The following DLGAP1 variants were observed in gnomAD, a reference collection of about 807,000 sequenced individuals.
The protein encoded by DLGAP1 is DLG associated protein 1.
DLGAP1 carries 11 observed loss-of-function variants against 90.8 expected under a neutral mutation model. The ratio of observed to expected loss-of-function variants is 0.12; its 90% confidence interval spans 0.08 to 0.20. DLGAP1 has a LOEUF of 0.20. Among genes scored for constraint, DLGAP1 ranks in the 10% least tolerant of loss-of-function variants. DLGAP1 has a pLI of 1.00. For synonymous variants in DLGAP1, 558 were observed against 540.7 expected, an observed-to-expected ratio of 1.03 and a Z score of -0.44; for missense variants, 1,050 against 1,333.8, an observed-to-expected ratio of 0.79 and a Z score of 3.31.
At chr18:4,072,494 G>A (rs1446005470) in intron 2 of DLGAP1, among the ~76,000 whole-genome samples, 2 of 148,388 alleles carry the variant, frequency 1.3e-5, no homozygotes, top group South Asian at 2.1e-4. Flanking sequence ...TTTTTGAGAC[G>A]GAGTCATCTC....
intron 2 of DLGAP1, among the ~76,000 whole-genome samples, chr18:4,059,836 T>G (rs1437588689): frequency 3.9e-5 from 6 of 152,142 alleles, no homozygotes; most frequent in Non-Finnish European, 1.5e-5. Context: ...TAACTGAGAT[T>G]AGAACAAGGA....
At chr18:3,772,433 C>G (rs1240175902) in intron 5 of DLGAP1, among the ~76,000 whole-genome samples, 2 of 60,780 alleles carry the variant, frequency 3.3e-5, no homozygotes, top group Non-Finnish European at 3.3e-5. Context: ...CTTCCTTCCT[C>G]CCTCCCTCCC....
chr18:3,831,864 G>C (rs2068051743), intron 4 of DLGAP1, among the ~76,000 whole-genome samples: 1 of 152,200 alleles, frequency 6.6e-6, no homozygotes. Context: ...TGGCTACTGT[G>C]TATAGGAGGG....
intron 1 of DLGAP1, among the ~76,000 whole-genome samples, chr18:4,414,249 T>G (rs1274600560): frequency 6.6e-6 from 1 of 152,194 alleles, no homozygotes; most frequent in Non-Finnish European, 1.5e-5. Flanking sequence ...TTTAAACTAT[T>G]TATATGAAAT....
At chr18:3,765,352 G>C (rs1028580191) in intron 5 of DLGAP1, among the ~76,000 whole-genome samples, 11 of 150,348 alleles carry the variant, frequency 7.3e-5, no homozygotes, top group African/African-American at 1.5e-4. Flanking sequence ...GGATGGTCTC[G>C]ATCTCCTGAC....
At chr18:4,150,302 C>A (rs55951857) in intron 2 of DLGAP1, among the ~76,000 whole-genome samples, 1 of 152,072 alleles carries the variant, frequency 6.6e-6, no homozygotes, top group Admixed American at 6.6e-5. Flanking sequence ...GTGGTAAGAC[C>A]CTTCTTTTTT....
intron 1 of DLGAP1, among the ~76,000 whole-genome samples, chr18:4,240,486 A>C (rs560069193): frequency 5.9e-4 from 90 of 152,306 alleles, no homozygotes; most frequent in Non-Finnish European, 9.9e-4. Flanking sequence ...CATCAATATC[A>C]GACTAATTAT....
chr18:3,881,496 C>T (rs1428502607), intron 3 of DLGAP1, among the ~76,000 whole-genome samples: 1 of 152,192 alleles, frequency 6.6e-6, no homozygotes, highest in East Asian at 1.9e-4. Context: ...CAGGATCTCT[C>T]TTCCGGCTTA....
chr18:4,360,252 AT>A (rs1239480213), intron 1 of DLGAP1, among the ~76,000 whole-genome samples: 1 of 152,242 alleles, frequency 6.6e-6, no homozygotes, highest in African/African-American at 2.4e-5. Context: ...GGAATGGAAT[AT>A]GTGTACTTGG....
At chr18:3,700,613 T>A (rs902704980) in intron 7 of DLGAP1, among the ~76,000 whole-genome samples, 7 of 152,104 alleles carry the variant, frequency 4.6e-5, no homozygotes, top group Non-Finnish European at 1.0e-4. Context: ...TTTTTTAAAA[T>A]TTTAATTGTT....
intron 1 of DLGAP1, among the ~76,000 whole-genome samples, chr18:4,423,345 T>C (rs2083083040): frequency 6.6e-6 from 1 of 152,180 alleles, no homozygotes; most frequent in African/African-American, 2.4e-5. Flanking sequence ...AGGTGAGAAA[T>C]GGCACACAAT....
At chr18:4,379,298 G>A (rs1487685056) in intron 1 of DLGAP1, among the ~76,000 whole-genome samples, 1 of 152,040 alleles carries the variant, frequency 6.6e-6, no homozygotes, top group African/African-American at 2.4e-5. Context: ...TGTTCCCCAG[G>A]CTTTTTAGCT....
At chr18:4,069,101 C>G (rs958598667) in intron 2 of DLGAP1, among the ~76,000 whole-genome samples, 4 of 152,050 alleles carry the variant, frequency 2.6e-5, no homozygotes, top group African/African-American at 9.7e-5. Flanking sequence ...TAGATATTAC[C>G]TGGCATGCAG....
intron 6 of DLGAP1, among the ~76,000 whole-genome samples, chr18:3,739,211 A>G (rs1365114184): frequency 6.7e-6 from 1 of 149,324 alleles, no homozygotes; most frequent in Non-Finnish European, 1.5e-5. Flanking sequence ...TGTGGAAGTC[A>G]GTGTGGCGAT....
At chr18:3,845,072 G>A (rs1334698265) in intron 4 of DLGAP1, among the ~76,000 whole-genome samples, 1 of 151,966 alleles carries the variant, frequency 6.6e-6, no homozygotes, top group African/African-American at 2.4e-5. Flanking sequence ...GGTATGTTGG[G>A]GCTACTCTTT....
At chr18:4,355,471 G>A (rs900314245) in intron 1 of DLGAP1, among the ~76,000 whole-genome samples, 2 of 152,186 alleles carry the variant, frequency 1.3e-5, no homozygotes, top group African/African-American at 4.8e-5. Flanking sequence ...TGGCTTTAAA[G>A]GAATAGAATA....
chr18:3,742,949 TCTTCCTTC>T (rs143048862), intron 5 of DLGAP1, among the ~76,000 whole-genome samples: 2,602 of 142,750 alleles, frequency 0.018, 70 homozygotes, highest in African/African-American at 0.059. Flanking sequence ...TATCAATTTA[TCTTCCTTC>T]CTTCCTTCCT....
chr18:4,434,094 C>T (rs1352049402), intron 1 of DLGAP1, among the ~76,000 whole-genome samples: 1 of 152,066 alleles, frequency 6.6e-6, no homozygotes, highest in African/African-American at 2.4e-5. Context: ...GTATCCCTTT[C>T]CTAAAGACTT....
chr18:4,094,011 T>C (rs1173850839), intron 2 of DLGAP1, among the ~76,000 whole-genome samples: 2 of 152,236 alleles, frequency 1.3e-5, no homozygotes, highest in African/African-American at 4.8e-5. Context: ...AAGTGAACTT[T>C]TATAATTTTC....
Sources: allele counts gnomAD v4.1 joint callset (sites outside exome capture counted in the v4.1 genomes callset), GRCh38; gene constraint gnomAD v4.1.1; transcripts MANE v1.5; gene names NCBI Gene and HGNC (gene_info 2026-07-23, HGNC 2026-07-21).